MLLT3: variants seen among roughly 807,000 people sequenced by gnomAD.
MLLT3 encodes the protein protein AF-9.
Under a neutral mutation model 53.2 loss-of-function variants are expected in MLLT3, and 4 were observed. That is an observed-to-expected ratio of 0.08 (90% CI 0.04 to 0.17). MLLT3 has a LOEUF of 0.17. Among genes scored for constraint, MLLT3 ranks in the 10% least tolerant of loss-of-function variants. The pLI is 1.00. For missense variants in MLLT3, 569 were observed against 684.0 expected (o/e 0.83, Z 1.87); for synonymous variants, 283 against 230.6 (o/e 1.23, Z -2.06).
chr9:20,544,402 T>C (rs183458705), intron 2 of MLLT3, among the ~76,000 whole-genome samples: 1 of 152,282 alleles, frequency 6.6e-6, no homozygotes, highest in African/African-American at 2.4e-5. Context: ...TTCCAAATCA[T>C]CTATTTGATA....
At chr9:20,611,834 ACTT>A (rs1411908640) in intron 2 of MLLT3, among the ~76,000 whole-genome samples, 3 of 152,136 alleles carry the variant, frequency 2.0e-5, no homozygotes, top group African/African-American at 7.2e-5. Flanking sequence ...ATGCAACATT[ACTT>A]CTTAAAACAA....
At chr9:20,431,044 G>A (rs747336379) in intron 4 of MLLT3, among the ~76,000 whole-genome samples, 2 of 152,034 alleles carry the variant, frequency 1.3e-5, no homozygotes, top group Non-Finnish European at 2.9e-5. Flanking sequence ...CTTACTAAAT[G>A]TGCATAGATG....
At chr9:20,538,134 T>A (rs1339666484) in intron 2 of MLLT3, among the ~76,000 whole-genome samples, 2 of 152,230 alleles carry the variant, frequency 1.3e-5, no homozygotes, top group Non-Finnish European at 2.9e-5. Flanking sequence ...TTAGAAAGGT[T>A]AGTTTTTTTA....
At chr9:20,592,434 T>C (rs1397194515) in intron 2 of MLLT3, among the ~76,000 whole-genome samples, 2 of 152,172 alleles carry the variant, frequency 1.3e-5, no homozygotes, top group East Asian at 1.9e-4. Context: ...CAGATGGCTA[T>C]CCTTTCTCTG....
intron 2 of MLLT3, among the ~76,000 whole-genome samples, chr9:20,480,734 A>G (rs1824640906): frequency 6.6e-6 from 1 of 152,186 alleles, no homozygotes; most frequent in Non-Finnish European, 1.5e-5. Flanking sequence ...TCACCGAACA[A>G]ACCTTTGTAC....
chr9:20,534,267 C>T (rs1261797471), intron 2 of MLLT3, among the ~76,000 whole-genome samples: 1 of 152,110 alleles, frequency 6.6e-6, no homozygotes, highest in African/African-American at 2.4e-5. Flanking sequence ...AAAAGCAAGT[C>T]AAATGAACAG....
At position 20,346,379 on chromosome 9, in the gene MLLT3, C is replaced by CAAAAAAAAAAAAAACAA. The variant is rs1587135214; in HGVS notation, c.*63_*64insTTGTTTTTTTTTTTTTT. On this transcript the variant is annotated 3_prime_UTR_variant, in exon 11 of 11. Coordinates refer to ENST00000380338, the MANE Select transcript of MLLT3 (RefSeq NM_004529.4). ...AACAACAAGAACAAAAAATCACAAC[C>CAAAAAAAAAAAAAACAA]AAAAAAAAAAAAAACCAAAAAAAAA... 3 of 985,702 alleles carry CAAAAAAAAAAAAAACAA rather than the reference C, an allele frequency of 3.0e-6. No individual in the cohort carries two copies. The highest frequency in any genetic ancestry group is 2.6e-5 in the African/African-American group (1 of 38,972). 61.1% of individuals were successfully genotyped at this position (985,702 alleles called of 1,614,324 possible).
At chr9:20,353,740 T>A in intron 9 of MLLT3, 144 bp from the exon 10 acceptor site, 1 of 682,112 alleles carries the variant, frequency 1.5e-6, no homozygotes, top group East Asian at 2.6e-5. Flanking sequence ...GTGCACTCAG[T>A]GCCCAAAGGC....
intron 4 of MLLT3, among the ~76,000 whole-genome samples, chr9:20,442,870 C>T (rs1385074509): frequency 1.3e-5 from 2 of 152,162 alleles, no homozygotes; most frequent in Admixed American, 1.3e-4. Context: ...AGACTGGAAG[C>T]ATGTTCCCCA....
At chr9:20,402,337 A>G (rs1184214194) in intron 5 of MLLT3, among the ~76,000 whole-genome samples, 1 of 152,202 alleles carries the variant, frequency 6.6e-6, no homozygotes, top group African/African-American at 2.4e-5. Flanking sequence ...AGAGAAAGAA[A>G]GGATATGAAG....
At chr9:20,521,663 C>A (rs1195409313) in intron 2 of MLLT3, among the ~76,000 whole-genome samples, 1 of 151,930 alleles carries the variant, frequency 6.6e-6, no homozygotes, top group Admixed American at 6.5e-5. Context: ...ATGCTCTAAG[C>A]AGGAAGAAAT....
Position 20,621,979 on chromosome 9 carries a change from G to A in MLLT3, c.12+266C>T, listed in dbSNP as rs1403558308. Reference sequence around the variant, plus strand: ...AGTGCGCTTCTTGTGACTGCAAAGAGGCGAGGAGGGAGGGAGGCGCGGGGG... The same window carrying A: ...AGTGCGCTTCTTGTGACTGCAAAGAAGCGAGGAGGGAGGGAGGCGCGGGGG... On this transcript the variant is annotated intron_variant, in intron 1 of 10. Transcript: ENST00000380338. This position sits in a 1 kb window ranked among gnomAD's most constrained non-coding sequence, Gnocchi z 7.0. The A allele has an allele frequency of 5.2e-5, 73 of 1,402,360 alleles. No individual in the cohort carries two copies. The highest frequency in any genetic ancestry group is 6.6e-5 in the Non-Finnish European group (72 of 1,085,134). 86.9% of individuals were successfully genotyped at this position (1,402,360 alleles called of 1,614,324 possible).
Position 20,342,834 on chromosome 9 carries a change from G to GTATATATA in MLLT3, c.*3601_*3608dup, listed in dbSNP as rs34950474. On this transcript the variant is annotated 3_prime_UTR_variant, in exon 11 of 11. Transcript: ENST00000380338. ...AAGATTACTCTGATAATATATATGT[G>GTATATATA]TATATATATATATATATGTATATAT... is the stretch of plus-strand genomic sequence containing the variant. The GTATATATA allele has an allele frequency of 4.8e-3, 792 of 166,672 alleles. 10 individuals are homozygous for GTATATATA. The highest frequency in any genetic ancestry group is 0.019 in the African/African-American group (763 of 40,214). The allele number at this position is 166,672 out of a possible 1,614,324, so 10.3% of individuals were successfully genotyped here.
At chr9:20,568,622 A>G (rs577655701) in intron 2 of MLLT3, among the ~76,000 whole-genome samples, 321 of 152,334 alleles carry the variant, frequency 2.1e-3, no homozygotes, top group Non-Finnish European at 3.7e-3. Flanking sequence ...CCATATAAAC[A>G]AAGTTTCCAG....
chr9:20,612,364 A>G (rs1414167140), intron 2 of MLLT3, among the ~76,000 whole-genome samples: 1 of 152,170 alleles, frequency 6.6e-6, no homozygotes, highest in Non-Finnish European at 1.5e-5. Flanking sequence ...TATCTCCCTC[A>G]GTCTTTCACT....
intron 2 of MLLT3, among the ~76,000 whole-genome samples, chr9:20,509,366 A>C (rs1825466783): frequency 6.6e-6 from 1 of 152,212 alleles, no homozygotes; most frequent in African/African-American, 2.4e-5. Context: ...GCTGAAATGT[A>C]GTGGGGGAAA....
At chr9:20,456,832 A>G in intron 2 of MLLT3, 46 bp from the exon 3 acceptor site, 4 of 1,350,622 alleles carry the variant, frequency 3.0e-6, no homozygotes, top group Non-Finnish European at 3.1e-6. Flanking sequence ...ATAATAGACA[A>G]AAAGACATTC....
intron 2 of MLLT3, among the ~76,000 whole-genome samples, chr9:20,471,688 T>TC (rs1345281336): frequency 6.6e-6 from 1 of 152,028 alleles, no homozygotes; most frequent in Non-Finnish European, 1.5e-5. Flanking sequence ...ACATTCGTCT[T>TC]AAAACATATT....
In MLLT3 at chr9:20,344,685, A is replaced by G. The variant is rs1221535670; in HGVS notation, c.*1758T>C. 1 of 207,086 alleles carries G rather than the reference A, an allele frequency of 4.8e-6. No homozygotes were observed. 12.8% of individuals were successfully genotyped at this position (207,086 alleles called of 1,614,324 possible). On this transcript the variant is annotated 3_prime_UTR_variant, in exon 11 of 11. Transcript: ENST00000380338. ...TGTATTATAATTTTTTAAAGGAAAA[A>G]TAGTTTCTTTGGATAGAAAGAAACA... is the stretch of plus-strand genomic sequence containing the variant.
Sources: gnomAD v4.1 joint callset for allele counts (sites outside exome capture counted in the v4.1 genomes callset) on GRCh38, gnomAD v4.1.1 for gene constraint, Gnocchi (gnomAD v3.1) non-coding constraint, MANE v1.5 for transcripts, NCBI Gene and HGNC (gene_info 2026-07-23, HGNC 2026-07-21) for gene names.